RCBTB1: variants seen among roughly 807,000 people sequenced by gnomAD.
RCBTB1 encodes the protein RCC1 and BTB domain containing protein 1.
A neutral mutation model predicts 62.4 loss-of-function variants in RCBTB1; 46 were observed. That is an observed-to-expected ratio of 0.74 (90% CI 0.58 to 0.94). The LOEUF (loss-of-function observed/expected upper bound fraction) is 0.94, where lower values mean the gene tolerates loss of function less well. Ranked by LOEUF, RCBTB1 falls within the 40% of genes least tolerant of loss-of-function variation. RCBTB1 has a pLI of 0.00. For synonymous variants in RCBTB1, 222 were observed against 245.8 expected (o/e 0.90, Z 0.91); for missense variants, 565 against 654.9 (o/e 0.86, Z 1.50).
chr13:49,580,300 G>A (rs1246821981), intron 2 of RCBTB1, among the ~76,000 whole-genome samples: 1 of 152,174 alleles, frequency 6.6e-6, no homozygotes, highest in Non-Finnish European at 1.5e-5. Flanking sequence ...GAAATGGATA[G>A]ATGGCTGGGT....
At chr13:49,573,414 A>C (rs1963543355) in intron 2 of RCBTB1, among the ~76,000 whole-genome samples, 1 of 146,268 alleles carries the variant, frequency 6.8e-6, no homozygotes, top group African/African-American at 2.5e-5. Context: ...CTCCTACCTC[A>C]CTTCCCCTTT....
intron 2 of RCBTB1, among the ~76,000 whole-genome samples, chr13:49,575,776 A>T (rs1398146763): frequency 6.6e-6 from 1 of 152,136 alleles, no homozygotes; most frequent in East Asian, 1.9e-4. Flanking sequence ...CTAAAAAACT[A>T]CCTATTGGAT....
At chr13:49,582,392 C>A (rs1169976601) in intron 1 of RCBTB1, among the ~76,000 whole-genome samples, 8 of 152,162 alleles carry the variant, frequency 5.3e-5, no homozygotes, top group Non-Finnish European at 8.8e-5. Flanking sequence ...GACCCTGAGG[C>A]AGGAGAATCG....
At chr13:49,576,685 C>T (rs1963807763) in intron 2 of RCBTB1, among the ~76,000 whole-genome samples, 1 of 152,132 alleles carries the variant, frequency 6.6e-6, no homozygotes, top group African/African-American at 2.4e-5. Flanking sequence ...GAATGTCAGT[C>T]ATCTTTAAAT....
chr13:49,551,281 G>A, intron 8 of RCBTB1, 45 bp downstream of exon 8: 2 of 1,605,070 alleles, frequency 1.2e-6, no homozygotes, highest in Non-Finnish European at 1.7e-6. Flanking sequence ...CAGCCCCAAG[G>A]CCACATCGCA....
rs1329923303 is a variant in RCBTB1, at chr13:49,555,680, G to A, written c.445-7C>T. The A allele has an allele frequency of 2.6e-6, 4 of 1,548,480 alleles. No individual in the cohort carries two copies. Among genetic ancestry groups the A allele is most frequent in the South Asian group, 1.2e-5 (1 of 82,576 alleles). ...TATAACCCCAAGCAAACACCTACAA[G>A]AGAAAGAAAAAGGAAAAGGAAAGAA... is the stretch of plus-strand genomic sequence containing the variant. On this transcript the variant is annotated splice_polypyrimidine_tract_variant and splice_region_variant and intron_variant, in intron 5 of 12. Transcript: ENST00000378302.
At chr13:49,566,168 T>C (rs1346411808) in intron 4 of RCBTB1, among the ~76,000 whole-genome samples, 3 of 151,074 alleles carry the variant, frequency 2.0e-5, no homozygotes, top group East Asian at 3.9e-4. Context: ...GAGACCTTTG[T>C]TCACTTGTTT....
chr13:49,572,019 T>C (rs1043578054), intron 2 of RCBTB1, among the ~76,000 whole-genome samples: 4 of 152,074 alleles, frequency 2.6e-5, no homozygotes, highest in Non-Finnish European at 5.9e-5. Context: ...ACTGTGCGGT[T>C]AACAATGACT....
Position 49,555,693 on chromosome 13 carries a change from G to C in RCBTB1, c.445-20C>G. 3 of 1,528,930 alleles carry C rather than the reference G, an allele frequency of 2.0e-6. No individual in the cohort carries two copies. Among genetic ancestry groups the C allele is most frequent in the Non-Finnish European group, 1.8e-6 (2 of 1,138,042 alleles). 94.7% of individuals were successfully genotyped at this position (1,528,930 alleles called of 1,614,324 possible). ...AAACACCTACAAGAGAAAGAAAAAGGAAAAGGAAAGAATAGTCAGGGTGAA... is the reference window on the plus strand; with the variant it reads ...AAACACCTACAAGAGAAAGAAAAAGCAAAAGGAAAGAATAGTCAGGGTGAA... On this transcript the variant is annotated intron_variant, in intron 5 of 12. Coordinates refer to ENST00000378302, the MANE Select transcript of RCBTB1 (RefSeq NM_018191.4).
chr13:49,577,171 G>T (rs1049403101), intron 2 of RCBTB1, among the ~76,000 whole-genome samples: 1 of 152,172 alleles, frequency 6.6e-6, no homozygotes, highest in Admixed American at 6.5e-5. Context: ...GACAAACACA[G>T]GCCTTCCAAT....
chr13:49,552,302 G>A lies in RCBTB1; in HGVS notation c.604-17C>T, dbSNP rs1053536423. On this transcript the variant is annotated splice_polypyrimidine_tract_variant and intron_variant, in intron 6 of 12. Coordinates refer to ENST00000378302, the MANE Select transcript of RCBTB1 (RefSeq NM_018191.4). ...GCCATATACCTTAGAGAGGACAGAAGGGAGAGAGTGAGATTTTTAAACTGC... is the reference window on the plus strand; with the variant it reads ...GCCATATACCTTAGAGAGGACAGAAAGGAGAGAGTGAGATTTTTAAACTGC... 2.0e-6 allele frequency: 3 copies of A among 1,520,298 alleles called. No homozygotes were observed. Among genetic ancestry groups the A allele is most frequent in the Non-Finnish European group, 2.7e-6 (3 of 1,109,524 alleles). The allele number at this position is 1,520,298 out of a possible 1,614,324, so 94.2% of individuals were successfully genotyped here. A position where few individuals can be genotyped will look rare whatever the true frequency, so the allele number is the denominator to read the frequency against.
At chr13:49,558,486 G>A (rs956353703) in intron 5 of RCBTB1, among the ~76,000 whole-genome samples, 1 of 152,120 alleles carries the variant, frequency 6.6e-6, no homozygotes, top group Non-Finnish European at 1.5e-5. Flanking sequence ...GAGGTCAGGA[G>A]TTCGAGACCA....
At chr13:49,551,792 C>T (rs1394343735) in intron 7 of RCBTB1, among the ~76,000 whole-genome samples, 1 of 150,436 alleles carries the variant, frequency 6.6e-6, no homozygotes, top group Non-Finnish European at 1.5e-5. Flanking sequence ...CCCAGCTACT[C>T]GGGAGGATGA....
chr13:49,562,198 A>G (rs888585280), intron 4 of RCBTB1, among the ~76,000 whole-genome samples: 1 of 152,198 alleles, frequency 6.6e-6, no homozygotes, highest in African/African-American at 2.4e-5. Flanking sequence ...CAAGTTCTGG[A>G]AAGAAACATT....
Position 49,540,929 on chromosome 13 carries a change from T to C in RCBTB1, c.1402A>G (p.Thr468Ala). The stretch of plus-strand genomic sequence containing the variant: ...AATAGCGAAAAGGCATTCTCCACAG[T>C]AATTCCTCTCTTGATAATGTGCTGA... The part of the protein sequence containing the change: ...LCQHIIKRGI[T>A]VENAFSLFSA... Residue 468 changes from threonine to alanine, a missense_variant, in exon 12 of 13, where the codon ACT (threonine) becomes GCT (alanine). Physicochemically the swap from Thr to Ala is moderately conservative, Grantham distance 58 (BLOSUM62 0). Transcript: ENST00000378302. 1 of 1,613,964 alleles carries C rather than the reference T, an allele frequency of 6.2e-7. No individual in the cohort carries two copies. Among genetic ancestry groups the C allele is most frequent in the Non-Finnish European group, 8.5e-7 (1 of 1,179,996 alleles).
intron 2 of RCBTB1, among the ~76,000 whole-genome samples, chr13:49,568,453 G>A (rs1180307914): frequency 1.3e-5 from 2 of 152,154 alleles, no homozygotes; most frequent in Non-Finnish European, 2.9e-5. Context: ...CTATTTTACT[G>A]TTACTAGCTA....
chr13:49,580,947 C>T (rs1224681083), intron 1 of RCBTB1, among the ~76,000 whole-genome samples: 1 of 152,080 alleles, frequency 6.6e-6, no homozygotes, highest in African/African-American at 2.4e-5. Context: ...TGGTCAGATG[C>T]TGTGGAGGCA....
At chr13:49,561,212 G>A (rs959714518) in intron 4 of RCBTB1, among the ~76,000 whole-genome samples, 3 of 152,038 alleles carry the variant, frequency 2.0e-5, no homozygotes, top group Admixed American at 6.6e-5. Flanking sequence ...AACACTCAAG[G>A]GCAACAGCAG....
rs377330055 is a variant in RCBTB1 at position 49,555,510 on chromosome 13, C to T, written c.603+5G>A. ...GAAAGGGAAATGGGAGTGGAGACAC[C>T]TCACCTCGCCATTGTCCAGAACAGC... On this transcript the variant is annotated splice_donor_5th_base_variant and intron_variant, in intron 6 of 12. Transcript: ENST00000378302. The T allele has an allele frequency of 2.5e-6, 4 of 1,612,214 alleles. No homozygotes were observed. The highest frequency in any genetic ancestry group is 1.3e-5 in the African/African-American group (1 of 74,648).
Sources: gnomAD v4.1 joint callset for allele counts (sites outside exome capture counted in the v4.1 genomes callset) on GRCh38, gnomAD v4.1.1 for gene constraint, MANE v1.5 for transcripts, NCBI Gene and HGNC (gene_info 2026-07-23, HGNC 2026-07-21) for gene names.